PASD1: variants seen among roughly 807,000 people sequenced by gnomAD.
PASD1 encodes circadian clock protein PASD1.
PASD1 carries 13 observed loss-of-function variants against 58.8 expected under a neutral mutation model. The ratio of observed to expected loss-of-function variants is 0.22; its 90% CI spans 0.14 to 0.35. The LOEUF (loss-of-function observed/expected upper bound fraction) is 0.35, where lower values mean the gene tolerates loss of function less well. Ranked by LOEUF, PASD1 falls within the 10% of genes least tolerant of loss-of-function variation. PASD1 has a pLI of 1.00. For missense variants in PASD1, 734 were observed against 568.3 expected (o/e 1.29, Z -2.96); for synonymous variants, 236 against 216.7 (o/e 1.09, Z -0.78).
At chrX:151,641,838 ACACG>A (rs1446480026) in intron 8 of PASD1, among the ~76,000 whole-genome samples, 14 of 102,111 alleles carry the variant, frequency 1.4e-4, no homozygotes, top group South Asian at 8.1e-4. Flanking sequence ...ACACACACAC[ACACG>A]CGCGCGCGCG....
At chrX:151,612,039 A>G (rs1428555528) in intron 4 of PASD1, among the ~76,000 whole-genome samples, 4 of 88,843 alleles carry the variant, frequency 4.5e-5, no homozygotes, top group East Asian at 3.8e-4. Context: ...TCATTGTTCA[A>G]TTCCCACCTA....
chrX:151,663,560 G>A (rs1307927617), intron 10 of PASD1, among the ~76,000 whole-genome samples: 1 of 112,300 alleles, frequency 8.9e-6, no homozygotes, highest in Admixed American at 9.5e-5. Context: ...TTCAACTCCT[G>A]GTTGCGGGAC....
At chrX:151,604,287 C>T (rs1255798837) in intron 2 of PASD1, among the ~76,000 whole-genome samples, 1 of 111,627 alleles carries the variant, frequency 9.0e-6, no homozygotes, top group Non-Finnish European at 1.9e-5. Context: ...CTTTGGGAGT[C>T]TGGATCTGCT....
intron 8 of PASD1, among the ~76,000 whole-genome samples, chrX:151,642,638 T>C (rs561068989): frequency 8.9e-6 from 1 of 112,256 alleles, no homozygotes; most frequent in East Asian, 2.8e-4. Context: ...GTTTTCAGAT[T>C]TTATCACCAA....
At chrX:151,581,326 C>T (rs1301057695) in intron 1 of PASD1, among the ~76,000 whole-genome samples, 2 of 107,669 alleles carry the variant, frequency 1.9e-5, no homozygotes, top group Non-Finnish European at 1.9e-5. Flanking sequence ...TGCAGTGGCT[C>T]ACACCTATAA....
chrX:151,665,827 T>C (rs1241804201), intron 11 of PASD1, among the ~76,000 whole-genome samples: 3 of 108,712 alleles, frequency 2.8e-5, no homozygotes, highest in African/African-American at 1.0e-4. Flanking sequence ...GTTTGTCTCT[T>C]CTAGTCCTGA....
intron 1 of PASD1, among the ~76,000 whole-genome samples, chrX:151,595,562 CA>C (rs751513597): frequency 2.1e-3 from 197 of 93,897 alleles, no homozygotes; most frequent in East Asian, 4.9e-3. Context: ...ACTAAAAATA[CA>C]AAAAAAAAAA....
At chrX:151,581,986 CTTTTTTT>C (rs72381794) in intron 1 of PASD1, among the ~76,000 whole-genome samples, 5 of 74,324 alleles carry the variant, frequency 6.7e-5, no homozygotes, top group Non-Finnish European at 7.0e-5. Flanking sequence ...TTTCTTTTTC[CTTTTTTT>C]TTTTTTTTTT....
In PASD1 at chrX:151,649,242, A is replaced by G. The variant is rs147562135; in HGVS notation, c.717+540A>G. Among the ~76,000 whole-genome samples the G allele has an allele frequency of 5.5e-3, 612 of 112,193 alleles. 6 individuals carry two copies. Among genetic ancestry groups the G allele is most frequent in the African/African-American group, 0.019 (583 of 30,821 alleles). On this transcript the variant is annotated intron_variant, in intron 9 of 15. Transcript: ENST00000370357. The stretch of plus-strand genomic sequence containing the variant: ...TAGAGAAGAACAGAAGAGGTATCCC[A>G]GAAGGCATTTCCCACGTTAAAAAGT...
chrX:151,622,834 A>G (rs2013732795), intron 6 of PASD1, 103 bp from the exon 7 acceptor site: 4 of 901,500 alleles, frequency 4.4e-6, no homozygotes, highest in Admixed American at 3.6e-5. Flanking sequence ...AATTTTGAAA[A>G]TTGTCAATGG....
intron 8 of PASD1, among the ~76,000 whole-genome samples, chrX:151,637,506 G>A (rs1409961968): frequency 9.0e-6 from 1 of 111,217 alleles, no homozygotes; most frequent in East Asian, 2.8e-4. Context: ...CCTCCTGGTA[G>A]CCGGAATTAC....
At chrX:151,628,428 A>T (rs1376044040) in intron 8 of PASD1, among the ~76,000 whole-genome samples, 2 of 112,273 alleles carry the variant, frequency 1.8e-5, no homozygotes, top group Admixed American at 1.9e-4. Flanking sequence ...ACATATGTCT[A>T]GCCAGTTTTC....
chrX:151,598,864 T>C (rs938994399), intron 1 of PASD1, among the ~76,000 whole-genome samples: 3 of 110,849 alleles, frequency 2.7e-5, no homozygotes, highest in African/African-American at 9.9e-5. Context: ...TGGGTGTTTC[T>C]TGGAGAGGGG....
Position 151,672,234 on chromosome X carries a change from C to G in PASD1, c.1489C>G (p.Arg497Gly). 2 of 1,139,362 alleles carry G rather than the reference C, an allele frequency of 1.8e-6. No homozygotes were observed. The highest frequency in any genetic ancestry group is 1.2e-6 in the Non-Finnish European group (1 of 851,356). The allele number at this position is 1,139,362 out of a possible 1,213,427, so 93.9% of individuals were successfully genotyped here. A position where few individuals can be genotyped will look rare whatever the true frequency, so the allele number is the denominator to read the frequency against. Reference protein sequence around the residue: ...QHLKEQQRQLREQLQQLREQR... With the variant: ...QHLKEQQRQLGEQLQQLREQR... Reference sequence around the variant, plus strand: ...CCTGAAGGAGCAGCAGCGGCAGCTGCGGGAGCAGCTGCAACAGCTGAGAGA... The same window carrying G: ...CCTGAAGGAGCAGCAGCGGCAGCTGGGGGAGCAGCTGCAACAGCTGAGAGA... The change falls in exon 14 of 16, where the codon CGG becomes GGG. Residue 497 changes from arginine (R) to glycine (G), a missense_variant. By Grantham distance (125) the Arg-to-Gly change is moderately radical. Transcript: ENST00000370357.
intron 4 of PASD1, among the ~76,000 whole-genome samples, chrX:151,614,871 C>G (rs892159967): frequency 1.8e-5 from 2 of 111,801 alleles, no homozygotes; most frequent in African/African-American, 6.5e-5. Flanking sequence ...GAATCGATCT[C>G]TTTTATTTCT....
intron 11 of PASD1, among the ~76,000 whole-genome samples, chrX:151,669,602 T>C (rs1427014010): frequency 9.0e-6 from 1 of 111,287 alleles, no homozygotes; most frequent in Non-Finnish European, 1.9e-5. Flanking sequence ...ACCTCCATGA[T>C]ATCAACATTT....
At chrX:151,632,686 C>T (rs910045990) in intron 8 of PASD1, among the ~76,000 whole-genome samples, 2 of 111,912 alleles carry the variant, frequency 1.8e-5, no homozygotes, top group Non-Finnish European at 3.8e-5. Flanking sequence ...TTGGCAAATA[C>T]TGTGGAGGTC....
intron 1 of PASD1, among the ~76,000 whole-genome samples, chrX:151,575,417 A>G (rs1488938026): frequency 1.8e-5 from 2 of 111,330 alleles, no homozygotes; most frequent in African/African-American, 6.5e-5. Flanking sequence ...ATTTAAAAAC[A>G]TCTCTTTTTT....
chrX:151,654,931 G>A (rs968855924), intron 9 of PASD1, among the ~76,000 whole-genome samples: 1 of 110,338 alleles, frequency 9.1e-6, no homozygotes, highest in African/African-American at 3.3e-5. Flanking sequence ...GTATACATAT[G>A]CCATGTTGGT....
Sources: allele counts gnomAD v4.1 joint callset (sites outside exome capture counted in the v4.1 genomes callset), GRCh38; gene constraint gnomAD v4.1.1; transcripts MANE v1.5; gene names NCBI Gene and HGNC (gene_info 2026-07-23, HGNC 2026-07-21).